The following PRKCH variants were observed in gnomAD, a reference collection of about 807,000 sequenced individuals.
The protein encoded by PRKCH is protein kinase C eta, also known as protein kinase C eta type.
PRKCH carries 28 observed loss-of-function variants against 82.5 expected under a neutral mutation model. That is an observed-to-expected ratio of 0.34 (90% confidence interval 0.25 to 0.47). PRKCH has a LOEUF of 0.47. Ranked by LOEUF, PRKCH falls within the 20% of genes least tolerant of loss-of-function variation. The pLI is 1.00. For synonymous variants in PRKCH, 322 were observed against 327.4 expected (o/e 0.98, Z 0.18); for missense variants, 705 against 881.8 (o/e 0.80, Z 2.54).
At chr14:61,369,321 G>A (rs770239436) in intron 1 of PRKCH, among the ~76,000 whole-genome samples, 22 of 152,030 alleles carry the variant, frequency 1.4e-4, no homozygotes, top group Non-Finnish European at 2.5e-4. Flanking sequence ...CTGGTCTTGG[G>A]GATCACACTT....
chr14:61,447,621 A>T (rs1349468283), intron 4 of PRKCH, among the ~76,000 whole-genome samples: 1 of 152,210 alleles, frequency 6.6e-6, no homozygotes, highest in Admixed American at 6.6e-5. Flanking sequence ...ATTAAACTAG[A>T]AATCAATTAC....
chr14:61,440,043 A>C (rs1163413149), intron 2 of PRKCH, among the ~76,000 whole-genome samples: 1 of 152,234 alleles, frequency 6.6e-6, no homozygotes, highest in Non-Finnish European at 1.5e-5. Context: ...GCATCTATAC[A>C]TGATAAGTGT....
At chr14:61,502,892 T>G (rs1162769252) in intron 10 of PRKCH, among the ~76,000 whole-genome samples, 1 of 151,578 alleles carries the variant, frequency 6.6e-6, no homozygotes, top group Non-Finnish European at 1.5e-5. Context: ...GGAAGGCAGG[T>G]GACACTGAGT....
chr14:61,414,097 A>G (rs1882428950), intron 2 of PRKCH, among the ~76,000 whole-genome samples: 1 of 151,934 alleles, frequency 6.6e-6, no homozygotes, highest in Non-Finnish European at 1.5e-5. Flanking sequence ...TGGGGGATCC[A>G]TCTTCAGCCC....
intron 10 of PRKCH, among the ~76,000 whole-genome samples, chr14:61,503,703 A>G (rs1285538377): frequency 6.6e-6 from 1 of 152,144 alleles, no homozygotes; most frequent in Non-Finnish European, 1.5e-5. Flanking sequence ...TGGCACTGGG[A>G]AAGGAAGTGA....
intron 1 of PRKCH, among the ~76,000 whole-genome samples, chr14:61,262,111 C>T (rs886872430): frequency 6.6e-6 from 1 of 150,998 alleles, no homozygotes; most frequent in African/African-American, 2.4e-5. Context: ...ATCCCAGCTA[C>T]TTGGGAGGCG....
intron 1 of PRKCH, among the ~76,000 whole-genome samples, chr14:61,194,258 C>G (rs1566775977): frequency 6.6e-6 from 1 of 152,092 alleles, no homozygotes; most frequent in Non-Finnish European, 1.5e-5. Flanking sequence ...AAGAAACTTC[C>G]AGCATTTAAG....
At chr14:61,445,760 T>A in intron 4 of PRKCH, 34 bp downstream of exon 4, 1 of 1,570,994 alleles carries the variant, frequency 6.4e-7, no homozygotes, top group Non-Finnish European at 8.8e-7. Context: ...TGTTTCATTT[T>A]GTTCCTATGT....
intron 2 of PRKCH, among the ~76,000 whole-genome samples, chr14:61,419,527 A>G (rs1245277434): frequency 6.6e-6 from 1 of 152,224 alleles, no homozygotes; most frequent in African/African-American, 2.4e-5. Flanking sequence ...AGACATTGCA[A>G]AATGTCCACT....
intron 1 of PRKCH, among the ~76,000 whole-genome samples, chr14:61,246,037 C>T (rs2044877909): frequency 1.3e-5 from 2 of 152,086 alleles, no homozygotes; most frequent in African/African-American, 4.8e-5. Context: ...GGGTCCTTCG[C>T]CCTCCCAAAG....
At chr14:61,497,187 G>A (rs1255002525) in intron 10 of PRKCH, among the ~76,000 whole-genome samples, 4 of 152,130 alleles carry the variant, frequency 2.6e-5, no homozygotes, top group Non-Finnish European at 4.4e-5. Flanking sequence ...TAAGAGCTGG[G>A]GCTCCTGAGT....
intron 10 of PRKCH, among the ~76,000 whole-genome samples, chr14:61,490,435 GA>G (rs1886404932): frequency 6.6e-6 from 1 of 152,188 alleles, no homozygotes; most frequent in South Asian, 2.1e-4. Context: ...ATAGTTGGGG[GA>G]TCTGTGTGAA....
chr14:61,311,793 T>C (rs2045526917), intron 1 of PRKCH, among the ~76,000 whole-genome samples: 2 of 152,224 alleles, frequency 1.3e-5, no homozygotes, highest in Non-Finnish European at 1.5e-5. Context: ...TGTAATTGTG[T>C]TTACCTTTAA....
intron 1 of PRKCH, among the ~76,000 whole-genome samples, chr14:61,260,733 G>C (rs976575762): frequency 1.3e-5 from 2 of 152,152 alleles, no homozygotes; most frequent in South Asian, 4.1e-4. Context: ...GGGGAAAGAA[G>C]CAAAATAATA....
At chr14:61,194,612 ATTG>A (rs1298305497) in intron 1 of PRKCH, among the ~76,000 whole-genome samples, 1 of 152,214 alleles carries the variant, frequency 6.6e-6, no homozygotes, top group Non-Finnish European at 1.5e-5. Flanking sequence ...TTTATGATAT[ATTG>A]TTATAGCAGC....
At chr14:61,431,625 A>T (rs995844382) in intron 2 of PRKCH, among the ~76,000 whole-genome samples, 1 of 152,018 alleles carries the variant, frequency 6.6e-6, no homozygotes, top group African/African-American at 2.4e-5. Flanking sequence ...ATGCATGCTT[A>T]GAGAAGGGAA....
At chr14:61,403,320 G>T in intron 2 of PRKCH, among the ~76,000 whole-genome samples, 1 of 151,960 alleles carries the variant, frequency 6.6e-6, no homozygotes, top group East Asian at 1.9e-4. Flanking sequence ...TCTTTCAAAA[G>T]CCCAGTGCTT....
At chr14:61,250,606 G>A (rs1378621963) in intron 1 of PRKCH, among the ~76,000 whole-genome samples, 1 of 152,164 alleles carries the variant, frequency 6.6e-6, no homozygotes, top group East Asian at 1.9e-4. Context: ...GGACGGATAG[G>A]TGGAGAACAC....
intron 1 of PRKCH, chr14:61,281,070 C>A: frequency 6.6e-7 from 1 of 1,517,590 alleles, no homozygotes; most frequent in Non-Finnish European, 8.8e-7. Context: ...GCAGCGGCTG[C>A]CAGGCGGGGA....
Sources: gnomAD v4.1 joint callset for allele counts (sites outside exome capture counted in the v4.1 genomes callset) on GRCh38, gnomAD v4.1.1 for gene constraint, MANE v1.5 for transcripts, NCBI Gene and HGNC (gene_info 2026-07-23, HGNC 2026-07-21) for gene names.